The following LINGO2 variants were observed in gnomAD, a reference collection of about 807,000 sequenced individuals.
LINGO2 encodes leucine rich repeat and Ig domain containing 2, also known as leucine-rich repeat and immunoglobulin-like domain-containing nogo receptor-interacting protein 2.
LINGO2 carries 14 observed loss-of-function variants against 30.6 expected under a neutral mutation model. The ratio of observed to expected loss-of-function variants is 0.46; its 90% CI spans 0.30 to 0.72. The LOEUF (loss-of-function observed/expected upper bound fraction) is 0.72, where lower values mean the gene tolerates loss of function less well. Among genes scored for constraint, LINGO2 ranks in the 30% least tolerant of loss-of-function variants. The probability of loss-of-function intolerance (pLI) is 0.07; values close to 1 mark genes in which losing one functional copy is unlikely to be tolerated. For synonymous variants in LINGO2, 317 were observed against 288.5 expected (o/e 1.10, Z -1.00); for missense variants, 729 against 751.7 (o/e 0.97, Z 0.35).
At chr9:28,181,530 A>G (rs1828911052) in intron 4 of LINGO2, among the ~76,000 whole-genome samples, 1 of 152,164 alleles carries the variant, frequency 6.6e-6, no homozygotes, top group African/African-American at 2.4e-5. Context: ...TGGTAGGGCC[A>G]GCAATGGTGT....
intron 1 of LINGO2, among the ~76,000 whole-genome samples, chr9:28,617,218 T>C (rs1826168554): frequency 6.6e-6 from 1 of 152,158 alleles, no homozygotes; most frequent in Non-Finnish European, 1.5e-5. Flanking sequence ...GATTATAGCA[T>C]TAAAAGACTC....
chr9:28,188,689 T>G (rs1452349), intron 4 of LINGO2, among the ~76,000 whole-genome samples: 1 of 152,178 alleles, frequency 6.6e-6, no homozygotes, highest in South Asian at 2.1e-4. Flanking sequence ...ATGTTTGGAG[T>G]ATGGTGACAA....
intron 2 of LINGO2, among the ~76,000 whole-genome samples, chr9:28,411,222 A>T (rs1319063): frequency 0.32 from 48,304 of 151,954 alleles, 8,507 homozygotes; most frequent in Admixed American, 0.41. Context: ...GCAACTCCAG[A>T]GCAAAGTGAT....
chr9:28,308,589 A>G (rs1824470689), intron 3 of LINGO2, among the ~76,000 whole-genome samples: 1 of 146,740 alleles, frequency 6.8e-6, no homozygotes, highest in Non-Finnish European at 1.5e-5. Flanking sequence ...ACGGGATCTC[A>G]TTAAACTAAA....
intron 1 of LINGO2, among the ~76,000 whole-genome samples, chr9:28,610,714 C>A (rs1208378126): frequency 6.6e-6 from 1 of 152,048 alleles, no homozygotes; most frequent in Admixed American, 6.6e-5. Flanking sequence ...TATAAATAAA[C>A]CAGGCTCAGA....
chr9:28,636,459 G>A (rs1827280055), intron 1 of LINGO2, among the ~76,000 whole-genome samples: 1 of 152,068 alleles, frequency 6.6e-6, no homozygotes, highest in South Asian at 2.1e-4. Flanking sequence ...AAGTGTTCCT[G>A]TTTCTCCACA....
At chr9:28,820,060 T>C in the LINGO2 span, among the ~76,000 whole-genome samples, 9 of 152,092 alleles carry the variant, frequency 5.9e-5, no homozygotes, top group African/African-American at 1.2e-4. Context: ...ACAGGGACCA[T>C]GTTGATGTTA....
In LINGO2 at chr9:28,498,691, T is replaced by C. The variant is rs530665385; in HGVS notation, c.-364-22666A>G. Among the ~76,000 whole-genome samples, 6 of 152,156 alleles carry C rather than the reference T, an allele frequency of 3.9e-5. No individual in the cohort carries two copies. The South Asian group carries it at 1.2e-3, about 32-fold the overall frequency. On this transcript the variant is annotated intron_variant, in intron 1 of 5. Transcript: ENST00000379992. ...GCACCCACTCTCCAACAAACCCCAGTGAGATGAACCTGGTACCTCAGTTGG... is the reference window on the plus strand; with the variant it reads ...GCACCCACTCTCCAACAAACCCCAGCGAGATGAACCTGGTACCTCAGTTGG...
intron 2 of LINGO2, among the ~76,000 whole-genome samples, chr9:28,447,882 G>A (rs1824491642): frequency 1.3e-5 from 2 of 152,204 alleles, no homozygotes; most frequent in Admixed American, 1.3e-4. Context: ...ATTGATTACA[G>A]TAAGGCAGTG....
intron 1 of LINGO2, among the ~76,000 whole-genome samples, chr9:28,617,154 A>G (rs1317074730): frequency 6.6e-6 from 1 of 152,148 alleles, no homozygotes; most frequent in Non-Finnish European, 1.5e-5. Context: ...TAACATATTA[A>G]AACCATCTTT....
chr9:28,164,234 T>C (rs1828365827), intron 4 of LINGO2, among the ~76,000 whole-genome samples: 1 of 152,320 alleles, frequency 6.6e-6, no homozygotes, highest in East Asian at 1.9e-4. Flanking sequence ...CCAGGATTCA[T>C]GTTCTTTTAT....
At chr9:28,484,941 C>T (rs1360141123) in intron 1 of LINGO2, among the ~76,000 whole-genome samples, 6 of 152,138 alleles carry the variant, frequency 3.9e-5, no homozygotes, top group South Asian at 2.1e-4. Flanking sequence ...ATGGAAAGAA[C>T]ATCTGTCAGA....
At chr9:28,015,499 T>C (rs1423820358) in intron 4 of LINGO2, among the ~76,000 whole-genome samples, 1 of 131,710 alleles carries the variant, frequency 7.6e-6, no homozygotes, top group Non-Finnish European at 1.7e-5. Flanking sequence ...ATAAGAAAAT[T>C]AGTACTCTTC....
At chr9:28,437,707 A>G (rs907191076) in intron 2 of LINGO2, among the ~76,000 whole-genome samples, 1 of 152,124 alleles carries the variant, frequency 6.6e-6, no homozygotes, top group African/African-American at 2.4e-5. Context: ...TCAGGAAGCC[A>G]AAGGATAAGG....
chr9:28,463,562 G>A (rs1289759145), intron 2 of LINGO2, among the ~76,000 whole-genome samples: 2 of 151,868 alleles, frequency 1.3e-5, no homozygotes, highest in Non-Finnish European at 2.9e-5. Context: ...GAGTATTAGG[G>A]GCAAATGGCT....
chr9:27,957,269 C>A (rs1007218145), intron 5 of LINGO2, among the ~76,000 whole-genome samples: 4 of 152,002 alleles, frequency 2.6e-5, no homozygotes, highest in African/African-American at 9.7e-5. Context: ...TATACCAGTA[C>A]GGCTGTCTTG....
chr9:27,941,120 G>A, the LINGO2 span: 2 of 152,128 alleles, frequency 1.3e-5, no homozygotes, highest in Non-Finnish European at 2.9e-5. Flanking sequence ...CTCTCTCTAG[G>A]GGCAAGCTTT....
chr9:28,108,280 G>A (rs983027547), intron 4 of LINGO2, among the ~76,000 whole-genome samples: 2 of 152,136 alleles, frequency 1.3e-5, no homozygotes, highest in African/African-American at 2.4e-5. Flanking sequence ...AAGACTGGAG[G>A]AAAGAGGTGT....
chr9:29,060,258 A>G, the LINGO2 span, among the ~76,000 whole-genome samples: 2 of 152,040 alleles, frequency 1.3e-5, no homozygotes, highest in African/African-American at 4.8e-5. Context: ...AGACCAGAGA[A>G]TATGGTGAGC....
Sources: allele counts gnomAD v4.1 joint callset (sites outside exome capture counted in the v4.1 genomes callset), GRCh38; gene constraint gnomAD v4.1.1; transcripts MANE v1.5; gene names NCBI Gene and HGNC (gene_info 2026-07-23, HGNC 2026-07-21).